The following LRRC36 variants were observed in gnomAD, a reference collection of about 807,000 sequenced individuals.
LRRC36 encodes the protein leucine rich repeat containing 36.
A neutral mutation model predicts 81.1 loss-of-function variants in LRRC36; 62 were observed. The ratio of observed to expected loss-of-function variants is 0.76; its 90% CI spans 0.62 to 0.94. The LOEUF is 0.94. Ranked by LOEUF, LRRC36 falls within the 40% of genes least tolerant of loss-of-function variation. LRRC36 has a pLI of 0.00. For synonymous variants in LRRC36, 334 were observed against 348.6 expected (o/e 0.96, Z 0.47); for missense variants, 761 against 881.7 (o/e 0.86, Z 1.73).
At chr16:67,370,914 G>T in intron 8 of LRRC36, 30 bp from the exon 9 acceptor site, 1 of 1,592,042 alleles carries the variant, frequency 6.3e-7, no homozygotes, top group Non-Finnish European at 8.6e-7. Context: ...TCAGAGGGCA[G>T]GTTCATCTGT....
chr16:67,366,585 A>G (rs936616652), intron 7 of LRRC36, among the ~76,000 whole-genome samples: 1 of 152,046 alleles, frequency 6.6e-6, no homozygotes, highest in Admixed American at 6.5e-5. Flanking sequence ...CCCCATCTCT[A>G]CTAAAAATAC....
chr16:67,329,036 A>G (rs1265508778), intron 1 of LRRC36, among the ~76,000 whole-genome samples: 1 of 151,974 alleles, frequency 6.6e-6, no homozygotes, highest in Non-Finnish European at 1.5e-5. Context: ...CAGCCTCCCA[A>G]GTAGCTGGGA....
At chr16:67,349,958 G>A (rs1274102994) in intron 4 of LRRC36, among the ~76,000 whole-genome samples, 5 of 151,958 alleles carry the variant, frequency 3.3e-5, no homozygotes, top group Admixed American at 6.6e-5. Context: ...ACAGGGTTTC[G>A]CCATGTTGGC....
At chr16:67,328,708 A>T (rs2037329263) in intron 1 of LRRC36, among the ~76,000 whole-genome samples, 1 of 152,076 alleles carries the variant, frequency 6.6e-6, no homozygotes, top group Non-Finnish European at 1.5e-5. Flanking sequence ...GGCAATTTTC[A>T]AATATATACA....
chr16:67,363,665 G>T lies in LRRC36; in HGVS notation c.653G>T (p.Gly218Val), dbSNP rs1335437416. Reference protein sequence around the residue: ...KDSLSTSATQGNGTRDQKLDT... With the variant: ...KDSLSTSATQVNGTRDQKLDT... Reference sequence around the variant, plus strand: ...TCCCTAAGTACTTCTGCAACTCAGGGCAATGGTACACGTGATCAGAAATTA... The same window carrying T: ...TCCCTAAGTACTTCTGCAACTCAGGTCAATGGTACACGTGATCAGAAATTA... The change falls in exon 6 of 14, where the codon GGC (glycine) becomes GTC (valine). Residue 218 changes from glycine (G) to valine (V), a missense_variant. Physicochemically the swap from Gly to Val is moderately radical, Grantham distance 109. Coordinates refer to ENST00000329956, the MANE Select transcript of LRRC36 (RefSeq NM_018296.6). 2 of 1,613,810 alleles carry T rather than the reference G, an allele frequency of 1.2e-6. No homozygotes were observed. Among genetic ancestry groups the T allele is most frequent in the African/African-American group, 2.7e-5 (2 of 74,896 alleles).
chr16:67,375,499 C>G (rs1411979868), intron 10 of LRRC36, 87 bp downstream of exon 10: 2 of 1,157,006 alleles, frequency 1.7e-6, no homozygotes, highest in African/African-American at 3.2e-5. Context: ...GCTCTCTTCA[C>G]TTGCAAGGAA....
Position 67,339,459 on chromosome 16 carries a change from T to TG in LRRC36, c.71-2497dup, listed in dbSNP as rs1241911246. The stretch of plus-strand genomic sequence containing the variant: ...TTAAGTTACAGTTTTCATTTGTGGA[T>TG]GTATCTTTCTGGAGTGCTTTTAATT... On this transcript the variant is annotated intron_variant, in intron 1 of 13. Transcript: ENST00000329956. 3.3e-5 allele frequency among the ~76,000 whole-genome samples: 5 copies of TG among 152,326 alleles called. No homozygotes were observed. In the East Asian group the frequency reaches 9.6e-4, roughly 29 times the overall value.
At chr16:67,338,030 G>A (rs1235958715) in intron 1 of LRRC36, among the ~76,000 whole-genome samples, 1 of 151,826 alleles carries the variant, frequency 6.6e-6, no homozygotes, top group Admixed American at 6.6e-5. Context: ...GTTGTGATGA[G>A]CTGAGATGGC....
intron 2 of LRRC36, among the ~76,000 whole-genome samples, chr16:67,344,258 G>C (rs867941620): frequency 8.5e-5 from 13 of 152,138 alleles, no homozygotes; most frequent in African/African-American, 2.9e-4. Context: ...GAGAGGATAA[G>C]AGTTTCCTTA....
chr16:67,383,010 T>G (rs1465756251), intron 13 of LRRC36, among the ~76,000 whole-genome samples: 4 of 132,806 alleles, frequency 3.0e-5, no homozygotes, highest in Non-Finnish European at 6.1e-5. Context: ...GAGGCGGAGA[T>G]AGCAGCAAGC....
At chr16:67,348,802 G>T (rs374266685) in intron 4 of LRRC36, among the ~76,000 whole-genome samples, 1 of 152,108 alleles carries the variant, frequency 6.6e-6, no homozygotes, top group Non-Finnish European at 1.5e-5. Context: ...TGCTAGAACC[G>T]TGTCTGGAAT....
intron 5 of LRRC36, among the ~76,000 whole-genome samples, chr16:67,352,980 C>T (rs1264520855): frequency 6.6e-6 from 1 of 152,092 alleles, no homozygotes; most frequent in Non-Finnish European, 1.5e-5. Context: ...AGCCACTGTG[C>T]CCAGCCTGTT....
intron 8 of LRRC36, 84 bp from the exon 9 acceptor site, chr16:67,370,860 T>C (rs1567496206): frequency 8.6e-7 from 1 of 1,168,688 alleles, no homozygotes; most frequent in Non-Finnish European, 1.2e-6. Flanking sequence ...ATTATGACCC[T>C]TGGACTACAG....
intron 12 of LRRC36, among the ~76,000 whole-genome samples, chr16:67,381,660 G>C (rs1597511368): frequency 6.6e-6 from 1 of 152,120 alleles, no homozygotes; most frequent in South Asian, 2.1e-4. Context: ...TGTTGCCCAG[G>C]CTGGAGTGCA....
intron 1 of LRRC36, among the ~76,000 whole-genome samples, chr16:67,341,311 CTATAGA>C (rs2142635292): frequency 6.9e-6 from 1 of 144,500 alleles, no homozygotes; most frequent in South Asian, 2.2e-4. Flanking sequence ...AGACTATAGA[CTATAGA>C]CTATATATAG....
Position 67,332,152 on chromosome 16 carries a change from A to C in LRRC36, c.70+5220A>C, listed in dbSNP as rs376495419. On this transcript the variant is annotated intron_variant, in intron 1 of 13. Coordinates refer to ENST00000329956, the MANE Select transcript of LRRC36 (RefSeq NM_018296.6). ...ATTTTCAAATAGCAAATTTTTGCCC[A>C]CTGGGGTTATGTAACCCATATATTA... is the stretch of plus-strand genomic sequence containing the variant. Among the ~76,000 whole-genome samples the C allele has an allele frequency of 8.5e-5, 13 of 152,332 alleles. No homozygotes were observed. In the East Asian group the frequency reaches 2.1e-3, roughly 25 times the overall value.
At chr16:67,349,853 T>A (rs2038534517) in intron 4 of LRRC36, among the ~76,000 whole-genome samples, 1 of 152,018 alleles carries the variant, frequency 6.6e-6, no homozygotes, top group Non-Finnish European at 1.5e-5. Context: ...CTCTGCCTCC[T>A]GGGTTCAAGT....
At chr16:67,357,176 G>A (rs961637578) in intron 5 of LRRC36, among the ~76,000 whole-genome samples, 3 of 152,084 alleles carry the variant, frequency 2.0e-5, no homozygotes, top group African/African-American at 4.8e-5. Flanking sequence ...TACCTGCAGT[G>A]TTTTGCTATA....
intron 9 of LRRC36, among the ~76,000 whole-genome samples, chr16:67,372,946 C>T (rs1288912415): frequency 6.6e-6 from 1 of 152,272 alleles, no homozygotes; most frequent in African/African-American, 2.4e-5. Flanking sequence ...GACAAGAACA[C>T]TAACTGTGTG....
Sources: allele counts gnomAD v4.1 joint callset (sites outside exome capture counted in the v4.1 genomes callset), GRCh38; gene constraint gnomAD v4.1.1; transcripts MANE v1.5; gene names NCBI Gene and HGNC (gene_info 2026-07-23, HGNC 2026-07-21).